Variants in ISCA1 observed in about 807,000 individuals in gnomAD.
ISCA1 encodes iron-sulfur cluster assembly 1, also known as iron-sulfur cluster assembly 1 homolog, mitochondrial.
A neutral mutation model predicts 14.7 loss-of-function variants in ISCA1; 9 were observed. The observed-to-expected ratio is 0.61, with a 90% confidence interval of 0.37 to 1.07. The LOEUF (loss-of-function observed/expected upper bound fraction) is 1.07, where lower values mean the gene tolerates loss of function less well. Ranked by LOEUF, ISCA1 falls within the 50% of genes least tolerant of loss-of-function variation. The pLI, the probability that ISCA1 is intolerant of heterozygous loss-of-function variation, is 0.01. For missense variants in ISCA1, 102 were observed against 150.1 expected, an observed-to-expected ratio of 0.68 and a Z score of 1.67; for synonymous variants, 38 against 54.3, an observed-to-expected ratio of 0.70 and a Z score of 1.32.
In ISCA1 at chr9:86,271,886, A is replaced by C. The variant is rs1365178539; in HGVS notation, c.241+121T>G. 6.3e-6 allele frequency: 4 copies of C among 635,526 alleles called. No homozygotes were observed. The African/African-American group carries it at 7.4e-5, about 12-fold the overall frequency. The allele number at this position is 635,526 out of a possible 1,614,324, so 39.4% of individuals were successfully genotyped here. A position where few individuals can be genotyped will look rare whatever the true frequency, so the allele number is the denominator to read the frequency against. ...TGAAATTCCATCAAACAACACCTACACACACAGTGAGCATTATTTACATAA... is the reference window on the plus strand; with the variant it reads ...TGAAATTCCATCAAACAACACCTACCCACACAGTGAGCATTATTTACATAA... On this transcript the variant is annotated intron_variant, in intron 3 of 3. Transcript: ENST00000375991.
At chr9:86,278,009 C>T (rs989585381) in intron 1 of ISCA1, among the ~76,000 whole-genome samples, 1 of 152,184 alleles carries the variant, frequency 6.6e-6, no homozygotes, top group Admixed American at 6.5e-5. Flanking sequence ...ATTCTCAATC[C>T]TGTATTTCTT....
At chr9:86,272,758 T>C (rs1825387064) in intron 2 of ISCA1, among the ~76,000 whole-genome samples, 1 of 152,230 alleles carries the variant, frequency 6.6e-6, no homozygotes, top group Non-Finnish European at 1.5e-5. Flanking sequence ...CAAATGGCAC[T>C]GCATTTGTAT....
intron 1 of ISCA1, among the ~76,000 whole-genome samples, chr9:86,280,720 G>T (rs905744265): frequency 6.6e-6 from 1 of 152,108 alleles, no homozygotes; most frequent in Non-Finnish European, 1.5e-5. Context: ...GGAGCCTGAG[G>T]CAGTGGACTG....
Position 86,282,358 on chromosome 9 carries a change from C to G in ISCA1, c.81+20G>C. The G allele has an allele frequency of 6.5e-7, 1 of 1,537,922 alleles. No individual in the cohort carries two copies. Among genetic ancestry groups the G allele is most frequent in the East Asian group, 2.5e-5 (1 of 40,516 alleles). ...ACACGAGCAATGTCACGGGCCCCGC[C>G]GCGCGCCGCGAGCACTCACCAGGGT... On this transcript the variant is annotated intron_variant, in intron 1 of 3. Transcript: ENST00000375991.
intron 1 of ISCA1, among the ~76,000 whole-genome samples, chr9:86,277,432 G>C (rs868591524): frequency 1.1e-4 from 16 of 152,312 alleles, no homozygotes; most frequent in Middle Eastern, 3.4e-3. Flanking sequence ...TGACTGATCT[G>C]ATTTTCAGAA....
intron 3 of ISCA1, 61 bp from the exon 4 acceptor site, chr9:86,266,252 A>G: frequency 6.5e-7 from 1 of 1,529,450 alleles, no homozygotes; most frequent in Non-Finnish European, 8.7e-7. Flanking sequence ...TTGCTGATTC[A>G]AAGCACAAGT....
chr9:86,275,747 T>C lies in ISCA1; in HGVS notation c.82-1505A>G, dbSNP rs546513677. 6.6e-5 allele frequency among the ~76,000 whole-genome samples: 10 copies of C among 152,276 alleles called. No individual in the cohort carries two copies. In the East Asian group the frequency reaches 1.7e-3, roughly 26 times the overall value. ...GCCTCTAAAGGCCCATGGTTTCCCA[T>C]GGTTCTGTCAGAAAAGGAGGCATGC... On this transcript the variant is annotated intron_variant, in intron 1 of 3. Coordinates refer to ENST00000375991, the MANE Select transcript of ISCA1 (RefSeq NM_030940.4).
In ISCA1 at chr9:86,282,441, G is replaced by T. The variant is rs1331175531; in HGVS notation, c.18C>A (p.Val6=). Residue 6 remains valine (V), a synonymous_variant, in exon 1 of 4, where the codon GTC becomes GTA. Transcript: ENST00000375991. ...TGCTCACAGCCCGGACAGTTGCCCG[G>T]ACTAAGGAAGCCGACATCTTCGCCG... The part of the protein sequence containing the change: MSASL[V]RATVRAVSKR... The T allele has an allele frequency of 3.7e-5, 58 of 1,554,340 alleles. No homozygotes were observed. Among genetic ancestry groups the T allele is most frequent in the African/African-American group, 5.5e-5 (4 of 73,330 alleles).
At chr9:86,271,728 G>A (rs1316176711) in intron 3 of ISCA1, among the ~76,000 whole-genome samples, 2 of 152,220 alleles carry the variant, frequency 1.3e-5, no homozygotes, top group East Asian at 3.9e-4. Flanking sequence ...GCAGTCTCTG[G>A]AAAGAATTTT....
chr9:86,272,178 A>G lies in ISCA1; in HGVS notation c.136-66T>C, dbSNP rs562592750. On this transcript the variant is annotated intron_variant, in intron 2 of 3. Coordinates refer to ENST00000375991, the MANE Select transcript of ISCA1 (RefSeq NM_030940.4). ...TACAGATTAAACAATTATACTAATAAAGTGACAGTAGCCTCCTCGTACCAA... is the reference window on the plus strand; with the variant it reads ...TACAGATTAAACAATTATACTAATAGAGTGACAGTAGCCTCCTCGTACCAA... The G allele has an allele frequency of 1.5e-5, 14 of 952,534 alleles. No homozygotes were observed. The South Asian group carries it at 1.6e-4, about 11-fold the overall frequency. The allele number at this position is 952,534 out of a possible 1,614,324, so 59.0% of individuals were successfully genotyped here. A position where few individuals can be genotyped will look rare whatever the true frequency, so the allele number is the denominator to read the frequency against.
intron 3 of ISCA1, chr9:86,267,691 G>A: frequency 1.6e-6 from 1 of 631,776 alleles, no homozygotes; most frequent in Non-Finnish European, 2.0e-6. Context: ...AAATGAACCA[G>A]GCATGGTGGT....
chr9:86,280,328 GT>G (rs1245131096), intron 1 of ISCA1, among the ~76,000 whole-genome samples: 1 of 152,156 alleles, frequency 6.6e-6, no homozygotes, highest in Non-Finnish European at 1.5e-5. Flanking sequence ...GCTCATGCCT[GT>G]GATCCCAGCA....
chr9:86,265,738 GA>G lies in ISCA1; in HGVS notation c.*304del. The G allele has an allele frequency of 2.4e-6, 1 of 415,872 alleles. No individual in the cohort carries two copies. The highest frequency in any genetic ancestry group is 2.4e-5 in the South Asian group (1 of 41,706). The allele number at this position is 415,872 out of a possible 1,614,324, so 25.8% of individuals were successfully genotyped here. A position where few individuals can be genotyped will look rare whatever the true frequency, so the allele number is the denominator to read the frequency against. On this transcript the variant is annotated 3_prime_UTR_variant, in exon 4 of 4. Transcript: ENST00000375991. ...GAGGGATGATCAAGCCATCAATAGCGATCTAAGGAGTGCACACAGTTCAGGA... is the reference window on the plus strand; with the variant it reads ...GAGGGATGATCAAGCCATCAATAGCGTCTAAGGAGTGCACACAGTTCAGGA...
chr9:86,272,309 A>G (rs1825380963), intron 2 of ISCA1, among the ~76,000 whole-genome samples, 197 bp from the exon 3 acceptor site: 1 of 152,178 alleles, frequency 6.6e-6, no homozygotes, highest in Non-Finnish European at 1.5e-5. Context: ...CTCTCAAAGC[A>G]TTGGGATTAC....
At chr9:86,272,752 T>A (rs1489484598) in intron 2 of ISCA1, among the ~76,000 whole-genome samples, 1 of 152,194 alleles carries the variant, frequency 6.6e-6, no homozygotes, top group Non-Finnish European at 1.5e-5. Flanking sequence ...CTTATGCAAA[T>A]GGCACTGCAT....
chr9:86,265,761 AG>A lies in ISCA1; in HGVS notation c.*281del, dbSNP rs958848008. On this transcript the variant is annotated 3_prime_UTR_variant, in exon 4 of 4. Coordinates refer to ENST00000375991, the MANE Select transcript of ISCA1 (RefSeq NM_030940.4). Reference sequence around the variant, plus strand: ...GCGATCTAAGGAGTGCACACAGTTCAGGAAATGGATAAACAGGTGCCCAGGA... The same window carrying A: ...GCGATCTAAGGAGTGCACACAGTTCAGAAATGGATAAACAGGTGCCCAGGA... The A allele has an allele frequency of 2.1e-6, 1 of 481,182 alleles. No individual in the cohort carries two copies. Among genetic ancestry groups the A allele is most frequent in the African/African-American group, 2.0e-5 (1 of 50,866 alleles). 29.8% of individuals were successfully genotyped at this position (481,182 alleles called of 1,614,324 possible). A position where few individuals can be genotyped will look rare whatever the true frequency, so the allele number is the denominator to read the frequency against.
At chr9:86,271,882 CTA>C (rs1825374123) in intron 3 of ISCA1, 123 bp downstream of exon 3, 3 of 628,244 alleles carry the variant, frequency 4.8e-6, no homozygotes, top group East Asian at 2.8e-5. Context: ...CAAACAACAC[CTA>C]CACACACAGT....
At chr9:86,270,453 G>A (rs1356954775) in intron 3 of ISCA1, among the ~76,000 whole-genome samples, 1 of 150,252 alleles carries the variant, frequency 6.7e-6, no homozygotes, top group Non-Finnish European at 1.5e-5. Flanking sequence ...ACAGGTGCTG[G>A]AGAGGATGTG....
chr9:86,272,081 C>A lies in ISCA1; in HGVS notation c.167G>T (p.Gly56Val). Residue 56 changes from glycine (G) to valine (V), a missense_variant, in exon 3 of 4, where the codon GGC (glycine) becomes GTC (valine). Gly to Val is a moderately radical substitution (Grantham distance 109). Transcript: ENST00000375991. ...TAGAGTATAAGAAAGGCCATTACAGCCCCTGGTTCGGACACCAACTTTTAC... is the reference window on the plus strand; with the variant it reads ...TAGAGTATAAGAAAGGCCATTACAGACCCTGGTTCGGACACCAACTTTTAC... ...VGVKVGVRTR[G>V]CNGLSYTLEY... 2 of 1,607,016 alleles carry A rather than the reference C, an allele frequency of 1.2e-6. No individual in the cohort carries two copies. Among genetic ancestry groups the A allele is most frequent in the Non-Finnish European group, 1.7e-6 (2 of 1,174,010 alleles).
Sources: allele counts gnomAD v4.1 joint callset (sites outside exome capture counted in the v4.1 genomes callset), GRCh38; gene constraint gnomAD v4.1.1; transcripts MANE v1.5; gene names NCBI Gene and HGNC (gene_info 2026-07-23, HGNC 2026-07-21).